Variants in ARL15 observed in about 807,000 individuals in gnomAD.
The protein encoded by ARL15 is ADP-ribosylation factor-like protein 15.
Under a neutral mutation model 25.2 loss-of-function variants are expected in ARL15, and 19 were observed. The ratio of observed to expected loss-of-function variants is 0.75; its 90% confidence interval spans 0.53 to 1.10. ARL15 has a LOEUF of 1.10. ARL15 is among the 50% of genes least tolerant of loss of function. The pLI is 0.00. For missense variants in ARL15, 220 were observed against 246.0 expected, an observed-to-expected ratio of 0.89 and a Z score of 0.71; for synonymous variants, 94 against 86.8, an observed-to-expected ratio of 1.08 and a Z score of -0.46.
chr5:53,896,306 T>G (rs1744871193), intron 4 of ARL15, among the ~76,000 whole-genome samples: 1 of 152,158 alleles, frequency 6.6e-6, no homozygotes, highest in South Asian at 2.1e-4. Flanking sequence ...AGTGCTGGGA[T>G]TACAGGTGTG....
At chr5:54,272,593 T>A (rs1757817889) in intron 1 of ARL15, among the ~76,000 whole-genome samples, 1 of 152,078 alleles carries the variant, frequency 6.6e-6, no homozygotes, top group South Asian at 2.1e-4. Context: ...AAATGTTTCT[T>A]ATCAAGAAAA....
intron 4 of ARL15, among the ~76,000 whole-genome samples, chr5:54,012,781 A>G (rs927575564): frequency 6.8e-6 from 1 of 147,574 alleles, no homozygotes; most frequent in Non-Finnish European, 1.5e-5. Context: ...GCCTCGGCCT[A>G]CCAAAGTGCT....
chr5:54,185,765 G>A (rs546402916), intron 1 of ARL15, among the ~76,000 whole-genome samples: 5 of 152,244 alleles, frequency 3.3e-5, no homozygotes, highest in African/African-American at 1.2e-4. Flanking sequence ...TTATCATCAT[G>A]AGTGCTAATA....
chr5:54,247,468 C>A (rs894759863), intron 1 of ARL15, among the ~76,000 whole-genome samples: 1 of 151,734 alleles, frequency 6.6e-6, no homozygotes. Flanking sequence ...TGAACGCATA[C>A]TCTGCTAAAC....
At chr5:53,900,973 A>G (rs2111938156) in intron 4 of ARL15, among the ~76,000 whole-genome samples, 1 of 152,326 alleles carries the variant, frequency 6.6e-6, no homozygotes, top group South Asian at 2.1e-4. Flanking sequence ...TCTGTGTCCA[A>G]ACAAAGCATC....
chr5:54,204,933 C>CT (rs5867921), intron 1 of ARL15, among the ~76,000 whole-genome samples: 51,880 of 137,916 alleles, frequency 0.38, 10,319 homozygotes, highest in East Asian at 0.63. Context: ...ATTCCCTTGC[C>CT]TTTTTTTTTT....
At chr5:53,905,552 T>G (rs1055699773) in intron 4 of ARL15, among the ~76,000 whole-genome samples, 2 of 152,220 alleles carry the variant, frequency 1.3e-5, no homozygotes, top group African/African-American at 2.4e-5. Context: ...GAAAATGTCC[T>G]GAGCTTTTCT....
At chr5:53,891,298 TC>T (rs1679030735) in intron 4 of ARL15, among the ~76,000 whole-genome samples, 2 of 152,326 alleles carry the variant, frequency 1.3e-5, no homozygotes, top group East Asian at 3.9e-4. Flanking sequence ...AGTCATGTTC[TC>T]AGCTCAGATA....
chr5:54,236,574 G>A (rs1756816201), intron 1 of ARL15, among the ~76,000 whole-genome samples: 1 of 152,154 alleles, frequency 6.6e-6, no homozygotes, highest in South Asian at 2.1e-4. Context: ...AACACACAAT[G>A]TCTTCAAGTC....
intron 1 of ARL15, among the ~76,000 whole-genome samples, chr5:54,186,009 T>C (rs1455322274): frequency 3.3e-5 from 5 of 152,132 alleles, no homozygotes; most frequent in Non-Finnish European, 7.4e-5. Flanking sequence ...TAGTATGACA[T>C]ATAGTGGGAC....
At chr5:53,892,655 T>G (rs1744757457) in intron 4 of ARL15, among the ~76,000 whole-genome samples, 1 of 151,404 alleles carries the variant, frequency 6.6e-6, no homozygotes, top group African/African-American at 2.4e-5. Flanking sequence ...CAGGCTGGAG[T>G]GCTGTGGCAC....
intron 4 of ARL15, among the ~76,000 whole-genome samples, chr5:53,957,339 G>T (rs1372504225): frequency 6.6e-6 from 1 of 151,978 alleles, no homozygotes; most frequent in African/African-American, 2.4e-5. Flanking sequence ...AAAAAATGTT[G>T]ACCAAGAATT....
intron 1 of ARL15, among the ~76,000 whole-genome samples, chr5:54,178,899 T>G (rs1754966591): frequency 6.6e-6 from 1 of 152,210 alleles, no homozygotes; most frequent in Non-Finnish European, 1.5e-5. Context: ...TCAGAGCTGC[T>G]TGAGCTCTGT....
chr5:54,297,128 C>T (rs943818267), intron 1 of ARL15, among the ~76,000 whole-genome samples: 3 of 152,210 alleles, frequency 2.0e-5, no homozygotes, highest in East Asian at 1.9e-4. Flanking sequence ...TTACTGGATT[C>T]GTAAGACTCT....
At chr5:54,143,966 C>A (rs991670093) in intron 3 of ARL15, among the ~76,000 whole-genome samples, 2 of 151,676 alleles carry the variant, frequency 1.3e-5, no homozygotes, top group Non-Finnish European at 2.9e-5. Flanking sequence ...ATAATCTATA[C>A]CCTAAATAAA....
rs140007319 is a variant in ARL15 at position 53,885,213 on chromosome 5, G to GT, written c.*1347dup. 13,197 of 152,328 alleles carry GT rather than the reference G, an allele frequency of 0.087. 669 individuals are homozygous for GT. Among genetic ancestry groups the GT allele is most frequent in the Middle Eastern group, 0.13 (37 of 294 alleles). 9.4% of individuals were successfully genotyped at this position (152,328 alleles called of 1,614,324 possible). A position where few individuals can be genotyped will look rare whatever the true frequency, so the allele number is the denominator to read the frequency against. The stretch of plus-strand genomic sequence containing the variant: ...TTTTTACACTCATGTGCAGGGAGCA[G>GT]TTTTTTTTATCATTTGGCCACTTAG... On this transcript the variant is annotated 3_prime_UTR_variant, in exon 5 of 5. Transcript: ENST00000504924.
At chr5:54,180,165 T>C (rs970516279) in intron 1 of ARL15, among the ~76,000 whole-genome samples, 2 of 152,048 alleles carry the variant, frequency 1.3e-5, no homozygotes, top group Non-Finnish European at 2.9e-5. Context: ...TGTATGTAAA[T>C]TATATCTCAA....
intron 4 of ARL15, among the ~76,000 whole-genome samples, chr5:53,986,689 CACAGAG>C (rs1392996445): frequency 6.6e-6 from 1 of 152,220 alleles, no homozygotes; most frequent in African/African-American, 2.4e-5. Flanking sequence ...GGGACAGCTT[CACAGAG>C]ACAGAGTTTC....
chr5:54,023,550 TG>T (rs1749683067), intron 4 of ARL15, among the ~76,000 whole-genome samples: 1 of 150,582 alleles, frequency 6.6e-6, no homozygotes, highest in Admixed American at 6.6e-5. Flanking sequence ...AAAAAAGACA[TG>T]GAACTATATG....
Sources: allele counts gnomAD v4.1 joint callset (sites outside exome capture counted in the v4.1 genomes callset), GRCh38; gene constraint gnomAD v4.1.1; transcripts MANE v1.5; gene names NCBI Gene and HGNC (gene_info 2026-07-23, HGNC 2026-07-21).